TLE1: variants seen among roughly 807,000 people sequenced by gnomAD.
TLE1 encodes the protein TLE family member 1, transcriptional corepressor.
A neutral mutation model predicts 89.8 loss-of-function variants in TLE1; 21 were observed. The observed-to-expected ratio is 0.23, with a 90% CI of 0.17 to 0.34. The LOEUF is 0.34. TLE1 is among the 10% of genes least tolerant of loss of function. The pLI is 1.00. For missense variants in TLE1, 795 were observed against 1,031.2 expected, an observed-to-expected ratio of 0.77 and a Z score of 3.14; for synonymous variants, 447 against 407.6, an observed-to-expected ratio of 1.10 and a Z score of -1.16.
intron 6 of TLE1, among the ~76,000 whole-genome samples, chr9:81,642,955 A>AG (rs1828339248): frequency 1.3e-5 from 2 of 152,242 alleles, no homozygotes; most frequent in Non-Finnish European, 2.9e-5. Flanking sequence ...GCAGAACAGT[A>AG]GGCTAAGCGA....
chr9:81,584,206 T>C lies in TLE1; in HGVS notation c.2305A>G (p.Ile769Val). Residue 769 changes from isoleucine (I) to valine (V), a missense_variant, in exon 20 of 20, where the codon ATC (isoleucine) becomes GTC (valine). By Grantham distance (29) the Ile-to-Val change is conservative. Coordinates refer to ENST00000376499, the MANE Select transcript of TLE1 (RefSeq NM_005077.5). Reference protein sequence around the residue: ...GDKKATVYEVIY With the variant: ...GDKKATVYEVVY ...TAAACCACATAATGTTTTCAGTAGATGACTTCATAGACTGTAGCCTTCTTG... is the reference window on the plus strand; with the variant it reads ...TAAACCACATAATGTTTTCAGTAGACGACTTCATAGACTGTAGCCTTCTTG... The C allele has an allele frequency of 6.2e-7, 1 of 1,613,592 alleles. No individual in the cohort carries two copies. Among genetic ancestry groups the C allele is most frequent in the Non-Finnish European group, 8.5e-7 (1 of 1,179,462 alleles).
intron 4 of TLE1, among the ~76,000 whole-genome samples, chr9:81,661,797 A>G (rs764965189): frequency 1.1e-4 from 17 of 152,158 alleles, no homozygotes; most frequent in Non-Finnish European, 1.5e-4. Flanking sequence ...CTCACCGGCA[A>G]CCAAACAAAA....
intron 8 of TLE1, among the ~76,000 whole-genome samples, chr9:81,621,174 C>G (rs997990265): frequency 2.0e-5 from 3 of 152,176 alleles, no homozygotes; most frequent in Non-Finnish European, 4.4e-5. Flanking sequence ...TCTTCAATAG[C>G]AAGGCCAGCT....
chr9:81,633,447 T>C (rs1019215964), intron 7 of TLE1, 83 bp from the exon 8 acceptor site: 18 of 1,601,638 alleles, frequency 1.1e-5, no homozygotes, highest in Non-Finnish European at 1.5e-5. Context: ...AAGGGGGGAA[T>C]AATTAGAACA....
At chr9:81,627,116 G>A (rs1825999680) in intron 8 of TLE1, among the ~76,000 whole-genome samples, 1 of 152,112 alleles carries the variant, frequency 6.6e-6, no homozygotes, top group South Asian at 2.1e-4. Context: ...AGTCATCTGT[G>A]TATCGGACAG....
rs548325207 is a variant in TLE1 at position 81,637,156 on chromosome 9, G to A, written c.373-2855C>T. ...GTGTAACACTTGAGGTCAGGAGTTT[G>A]AGACCAGCCTGACCAACATAGTGAA... is the stretch of plus-strand genomic sequence containing the variant. On this transcript the variant is annotated intron_variant, in intron 6 of 19. Coordinates refer to ENST00000376499, the MANE Select transcript of TLE1 (RefSeq NM_005077.5). 3.3e-5 allele frequency among the ~76,000 whole-genome samples: 5 copies of A among 152,052 alleles called. No homozygotes were observed. The South Asian group carries it at 1.0e-3, about 32-fold the overall frequency.
rs1829767738 is a variant in TLE1 at position 81,593,089 on chromosome 9, C to T, written c.1517G>A (p.Cys506Tyr). 6.2e-7 allele frequency: 1 copy of T among 1,614,016 alleles called. No homozygotes were observed. Among genetic ancestry groups the T allele is most frequent in the South Asian group, 1.1e-5 (1 of 91,084 alleles). ...GTGGCTGATGTCCCAGACCTTGACG[C>T]AGCCCTTCCCGCCTGTGTACACGTG... ...TRHVYTGGKG[C>Y]VKVWDISHPG... Residue 506 changes from cysteine to tyrosine, a missense_variant, in exon 15 of 20, where the codon TGC becomes TAC. Physicochemically the swap from Cys to Tyr is radical, Grantham distance 194. Around this residue, in one of 4 missense-constraint regions of TLE1, gnomAD observed 214 missense variants for 354.9 expected, o/e 0.60. Coordinates refer to ENST00000376499, the MANE Select transcript of TLE1 (RefSeq NM_005077.5).
chr9:81,662,361 T>TTGTGTTTGTG (rs1554694313), intron 4 of TLE1, among the ~76,000 whole-genome samples: 3 of 138,360 alleles, frequency 2.2e-5, no homozygotes, highest in Non-Finnish European at 3.1e-5. Flanking sequence ...TGTGCCTGTT[T>TTGTGTTTGTG]TGTGTGTGTG....
At chr9:81,629,680 C>T (rs534125076) in intron 8 of TLE1, among the ~76,000 whole-genome samples, 45 of 152,326 alleles carry the variant, frequency 3.0e-4, no homozygotes, top group African/African-American at 1.1e-3. Flanking sequence ...GCCTACTACA[C>T]ACCTAGGCTA....
At chr9:81,619,630 A>G (rs1419598459) in intron 9 of TLE1, among the ~76,000 whole-genome samples, 3 of 152,198 alleles carry the variant, frequency 2.0e-5, no homozygotes, top group African/African-American at 7.2e-5. Flanking sequence ...CCATTTCAGC[A>G]ACTTTACTTT....
chr9:81,670,289 T>C (rs890985370), intron 4 of TLE1, among the ~76,000 whole-genome samples: 29 of 152,096 alleles, frequency 1.9e-4, no homozygotes, highest in African/African-American at 5.8e-4. Flanking sequence ...ATGGTGTCAA[T>C]ACCAATATTC....
At chr9:81,632,641 C>A (rs1271586827) in intron 8 of TLE1, among the ~76,000 whole-genome samples, 1 of 152,158 alleles carries the variant, frequency 6.6e-6, no homozygotes, top group Non-Finnish European at 1.5e-5. Flanking sequence ...CTCTCCAGAG[C>A]TAACTGGCAG....
chr9:81,659,434 A>G (rs1468709865), intron 4 of TLE1, among the ~76,000 whole-genome samples: 2 of 152,200 alleles, frequency 1.3e-5, no homozygotes, highest in Non-Finnish European at 2.9e-5. Flanking sequence ...CCCTGTGCCT[A>G]GATTTTTTAA....
chr9:81,661,190 A>G (rs4877672), intron 4 of TLE1, among the ~76,000 whole-genome samples: 1 of 81,558 alleles, frequency 1.2e-5, no homozygotes, highest in South Asian at 4.8e-4. Context: ...ATGTATTTTT[A>G]TATATATATG....
intron 12 of TLE1, among the ~76,000 whole-genome samples, chr9:81,612,576 A>G (rs1437000872): frequency 6.6e-6 from 1 of 152,082 alleles, no homozygotes; most frequent in African/African-American, 2.4e-5. Flanking sequence ...GAGACCACTG[A>G]TTCCTGAAGC....
chr9:81,590,703 A>T lies in TLE1; in HGVS notation c.1829+102T>A. 6 of 1,521,946 alleles carry T rather than the reference A, an allele frequency of 3.9e-6. No homozygotes were observed. The South Asian group carries it at 7.9e-5, about 20-fold the overall frequency. 94.3% of individuals were successfully genotyped at this position (1,521,946 alleles called of 1,614,324 possible). A position where few individuals can be genotyped will look rare whatever the true frequency, so the allele number is the denominator to read the frequency against. On this transcript the variant is annotated intron_variant, in intron 16 of 19. Transcript: ENST00000376499. ...CCTAGCCCCATGCCTGGCATTCAAG[A>T]GGCTCTTATTGTGTGGGCTGCAGGC... is the stretch of plus-strand genomic sequence containing the variant.
chr9:81,635,739 G>A (rs1438850753), intron 6 of TLE1, among the ~76,000 whole-genome samples: 1 of 152,132 alleles, frequency 6.6e-6, no homozygotes, highest in Non-Finnish European at 1.5e-5. Context: ...CCAGCCCACT[G>A]ATTTTTAATG....
intron 4 of TLE1, among the ~76,000 whole-genome samples, chr9:81,680,999 TA>T (rs1833551723): frequency 6.6e-6 from 1 of 150,434 alleles, no homozygotes; most frequent in South Asian, 2.1e-4. Flanking sequence ...TCTAAGGAAA[TA>T]TCCCACAGGT....
At chr9:81,592,983 C>A (rs7023704) in intron 15 of TLE1, 42 bp downstream of exon 15, 3 of 1,587,260 alleles carry the variant, frequency 1.9e-6, no homozygotes, top group Non-Finnish European at 1.7e-6. Context: ...ATTGAATCTC[C>A]AGGGAGAAAT....
Sources: gnomAD v4.1 joint callset for allele counts (sites outside exome capture counted in the v4.1 genomes callset) on GRCh38, gnomAD v4.1.1 for gene constraint, gnomAD v4.1.1 regional missense constraint, MANE v1.5 for transcripts, NCBI Gene and HGNC (gene_info 2026-07-23, HGNC 2026-07-21) for gene names.